Variants in DNAH6 observed in about 807,000 individuals in gnomAD.
DNAH6 encodes axonemal beta dynein heavy chain 6.
Under a neutral mutation model 491.4 loss-of-function variants are expected in DNAH6, and 340 were observed. That is an observed-to-expected ratio of 0.69 (90% CI 0.63 to 0.76). DNAH6 has a LOEUF of 0.76. Among genes scored for constraint, DNAH6 ranks in the 30% least tolerant of loss-of-function variants. The pLI is 0.00. For missense variants in DNAH6, 4,443 were observed against 4,972.2 expected, an observed-to-expected ratio of 0.89 and a Z score of 3.20; for synonymous variants, 1,603 against 1,686.1, an observed-to-expected ratio of 0.95 and a Z score of 1.21.
chr2:84,762,620 A>T (rs1674696911), intron 63 of DNAH6, 135 bp from the exon 64 acceptor site: 4 of 614,576 alleles, frequency 6.5e-6, no homozygotes, highest in Non-Finnish European at 1.1e-5. Flanking sequence ...ATCTATAAAA[A>T]GATGTATACC....
chr2:84,687,389 C>T (rs1007397315), intron 44 of DNAH6, among the ~76,000 whole-genome samples: 1 of 152,144 alleles, frequency 6.6e-6, no homozygotes, highest in African/African-American at 2.4e-5. Flanking sequence ...GTAGCAGGCT[C>T]TCAATCAATG....
chr2:84,755,255 C>T (rs1201470946), intron 63 of DNAH6, among the ~76,000 whole-genome samples: 2 of 152,196 alleles, frequency 1.3e-5, no homozygotes, highest in Admixed American at 1.3e-4. Context: ...TTGGGCCTCT[C>T]TTGCTGTCTT....
In DNAH6 at chr2:84,812,377, T is replaced by A; in HGVS notation, c.11776T>A (p.Phe3926Ile). The change falls in exon 73 of 77, where the codon TTT becomes ATT. Residue 3926 changes from phenylalanine to isoleucine, a missense_variant. Phe to Ile is a conservative substitution (Grantham distance 21). Around this residue, in one of 3 missense-constraint regions of DNAH6, gnomAD observed 1,463 missense variants for 1,656.6 expected, o/e 0.88. Coordinates refer to ENST00000389394, the MANE Select transcript of DNAH6 (RefSeq NM_001370.2). ...AACACTCAACAAAGCCATCGCTGGA[T>A]TTGTGGTGATGTCTGAAGAAATGGA... ...LETLNKAIAG[F>I]VVMSEEMEKV... 1 of 1,552,012 alleles carries A rather than the reference T, an allele frequency of 6.4e-7. No individual in the cohort carries two copies. Among genetic ancestry groups the A allele is most frequent in the Non-Finnish European group, 8.7e-7 (1 of 1,147,044 alleles).
At chr2:84,815,502 T>TA (rs953107696) in intron 75 of DNAH6, among the ~76,000 whole-genome samples, 2 of 152,148 alleles carry the variant, frequency 1.3e-5, no homozygotes, top group African/African-American at 4.8e-5. Flanking sequence ...GCATAATTTT[T>TA]AAAAAAGAGA....
intron 62 of DNAH6, among the ~76,000 whole-genome samples, chr2:84,744,282 T>A (rs904634082): frequency 2.6e-5 from 4 of 152,242 alleles, no homozygotes; most frequent in Admixed American, 2.0e-4. Flanking sequence ...CCTGTTTCCT[T>A]ACTGGAGAAC....
At chr2:84,740,403 G>A (rs541731668) in intron 62 of DNAH6, among the ~76,000 whole-genome samples, 5 of 152,126 alleles carry the variant, frequency 3.3e-5, no homozygotes, top group Non-Finnish European at 7.4e-5. Flanking sequence ...CTTTCAACCC[G>A]CATTCCCCAG....
chr2:84,808,487 C>T lies in DNAH6; in HGVS notation c.11684C>T (p.Thr3895Ile). The T allele has an allele frequency of 6.4e-7, 1 of 1,551,514 alleles. No homozygotes were observed. Among genetic ancestry groups the T allele is most frequent in the Non-Finnish European group, 8.7e-7 (1 of 1,146,856 alleles). ...KDLQGRLNSLTTVLGQEVDRF... is the reference protein window; with the variant it reads ...KDLQGRLNSLITVLGQEVDRF... ...CTTCAAGGACGTCTGAACTCCTTGA[C>T]CACCGTTCTTGGACAGGAAGTGGAC... The change falls in exon 72 of 77, where the codon ACC becomes ATC. Residue 3895 changes from threonine (T) to isoleucine (I), a missense_variant. By Grantham distance (89) the Thr-to-Ile change is moderately conservative (BLOSUM62 -1). Transcript: ENST00000389394.
intron 4 of DNAH6, among the ~76,000 whole-genome samples, chr2:84,537,727 C>G (rs1481446715): frequency 6.6e-6 from 1 of 152,070 alleles, no homozygotes; most frequent in Non-Finnish European, 1.5e-5. Context: ...TTAAAAAGTT[C>G]TCTCCCTAGT....
chr2:84,710,510 G>T, intron 56 of DNAH6, 98 bp downstream of exon 56: 1 of 1,212,148 alleles, frequency 8.2e-7, no homozygotes, highest in Admixed American at 2.4e-5. Flanking sequence ...AAAGACACCA[G>T]TCAACTCCAT....
At chr2:84,628,933 C>G (rs1688132854) in intron 29 of DNAH6, among the ~76,000 whole-genome samples, 1 of 152,160 alleles carries the variant, frequency 6.6e-6, no homozygotes, top group Non-Finnish European at 1.5e-5. Context: ...TCTCTCTTCA[C>G]CAGGGGTAAC....
At chr2:84,508,148 G>A in the DNAH6 span, among the ~76,000 whole-genome samples, 2 of 152,340 alleles carry the variant, frequency 1.3e-5, no homozygotes, top group African/African-American at 4.8e-5. Flanking sequence ...AATGGTACCA[G>A]CTCCTCCTTG....
intron 58 of DNAH6, among the ~76,000 whole-genome samples, chr2:84,716,920 G>T (rs1436660060): frequency 1.3e-5 from 2 of 152,128 alleles, no homozygotes; most frequent in East Asian, 3.8e-4. Context: ...TATTTCAGTT[G>T]CCCTCTGCTC....
In DNAH6 at chr2:84,529,065, G is replaced by C. The variant is rs1159030608; in HGVS notation, c.561G>C (p.Leu187Phe). 6.4e-6 allele frequency: 10 copies of C among 1,550,898 alleles called. No homozygotes were observed. Among genetic ancestry groups the C allele is most frequent in the Non-Finnish European group, 7.8e-6 (9 of 1,146,694 alleles). The change falls in exon 4 of 77, where the codon TTG becomes TTC. Residue 187 changes from leucine (L) to phenylalanine (F), a missense_variant. Transcript: ENST00000389394. ...EVVKANIRDP[L>F]QIIKIIRENE... is the part of the protein sequence containing the mutation. ...TTAAAGCCAACATTCGTGATCCCTT[G>C]CAAATCATTAAAATAATACGTGAAA...
chr2:84,795,313 GTAA>G (rs1402076370), intron 68 of DNAH6, among the ~76,000 whole-genome samples: 1 of 151,580 alleles, frequency 6.6e-6, no homozygotes, highest in Non-Finnish European at 1.5e-5. Context: ...AACTTAAAGT[GTAA>G]TAATAATAAA....
At chr2:84,707,829 G>T in intron 54 of DNAH6, 113 bp downstream of exon 54, 1 of 756,030 alleles carries the variant, frequency 1.3e-6, no homozygotes, top group South Asian at 2.1e-5. Context: ...GGTTCTTCAT[G>T]GTGGAATTTC....
rs1051697043 is a variant in DNAH6 at position 84,624,740 on chromosome 2, G to T, written c.4353+120G>T. ...TTTATTATGAATACATCTTTGTAAA[G>T]CAAATATTTGCATTATTTAATTATG... On this transcript the variant is annotated intron_variant, in intron 28 of 76. Coordinates refer to ENST00000389394, the MANE Select transcript of DNAH6 (RefSeq NM_001370.2). 3.1e-6 allele frequency: 4 copies of T among 1,272,294 alleles called. No homozygotes were observed. In the Admixed American group the frequency reaches 1.1e-4, roughly 35 times the overall value. 78.8% of individuals were successfully genotyped at this position (1,272,294 alleles called of 1,614,324 possible).
chr2:84,786,420 G>A (rs1318813199), intron 67 of DNAH6, among the ~76,000 whole-genome samples: 12 of 116,898 alleles, frequency 1.0e-4, no homozygotes, highest in African/African-American at 1.8e-4. Context: ...GAAAGACTCT[G>A]TCTCAAAAAA....
At chr2:84,523,025 T>A (rs1405162340) in intron 2 of DNAH6, among the ~76,000 whole-genome samples, 1 of 152,038 alleles carries the variant, frequency 6.6e-6, no homozygotes, top group Non-Finnish European at 1.5e-5. Context: ...TTTTTTAGAA[T>A]AGTTTCAGTA....
intron 71 of DNAH6, among the ~76,000 whole-genome samples, chr2:84,806,595 G>A (rs886262199): frequency 2.7e-5 from 4 of 147,388 alleles, no homozygotes; most frequent in African/African-American, 1.0e-4. Flanking sequence ...CTCCAGCCTG[G>A]GTGACAGAGC....
Sources: gnomAD v4.1 joint callset for allele counts (sites outside exome capture counted in the v4.1 genomes callset) on GRCh38, gnomAD v4.1.1 for gene constraint, gnomAD v4.1.1 regional missense constraint, MANE v1.5 for transcripts, NCBI Gene and HGNC (gene_info 2026-07-23, HGNC 2026-07-21) for gene names.